Variants in DMD observed in about 807,000 individuals in gnomAD.
The protein encoded by DMD is dystrophin, also known as mutant dystrophin.
A neutral mutation model predicts 330.1 loss-of-function variants in DMD; 63 were observed. The ratio of observed to expected loss-of-function variants is 0.19; its 90% CI spans 0.16 to 0.24. The LOEUF (loss-of-function observed/expected upper bound fraction) is 0.24, where lower values mean the gene tolerates loss of function less well. Among genes scored for constraint, DMD ranks in the 10% least tolerant of loss-of-function variants. DMD has a pLI of 1.00. For synonymous variants in DMD, 1,223 were observed against 959.8 expected, an observed-to-expected ratio of 1.27 and a Z score of -5.07; for missense variants, 3,344 against 2,684.1, an observed-to-expected ratio of 1.25 and a Z score of -5.43.
chrX:31,774,053 G>A lies in DMD; in HGVS notation c.7449C>T (p.Thr2483=), dbSNP rs766075840. ...ADFNRAWTEL[T]DWLSLLDQVI... ...CTTGATCAAGCAGAGAAAGCCAGTC[G>A]GTAAGTTCTGTCCAAGCCCGGTTGA... is the stretch of plus-strand genomic sequence containing the variant. The change falls in exon 51 of 79, where the codon ACC becomes ACT. Residue 2483 remains threonine (T), a synonymous_variant. Coordinates refer to ENST00000357033, the MANE Select transcript of DMD (RefSeq NM_004006.3). 3.1e-5 allele frequency: 38 copies of A among 1,207,881 alleles called. No individual in the cohort carries two copies. The East Asian group carries it at 6.2e-4, about 20-fold the overall frequency.
At chrX:32,867,958 A>G (rs2082644579) in intron 2 of DMD, among the ~76,000 whole-genome samples, 1 of 111,373 alleles carries the variant, frequency 9.0e-6, no homozygotes, top group East Asian at 2.8e-4. Flanking sequence ...CCAACTAGGA[A>G]CAGCTGCAGT....
chrX:32,158,406 A>G (rs940708702), intron 44 of DMD, among the ~76,000 whole-genome samples: 1 of 111,019 alleles, frequency 9.0e-6, no homozygotes, highest in African/African-American at 3.3e-5. Context: ...GTAAAGAAAA[A>G]AGAAAAAAAT....
intron 11 of DMD, among the ~76,000 whole-genome samples, chrX:32,618,708 A>G (rs2057771150): frequency 2.7e-5 from 3 of 111,790 alleles, no homozygotes; most frequent in South Asian, 3.7e-4. Context: ...AAGAAAAAAG[A>G]AGAGATTATC....
At chrX:31,727,842 A>G (rs921811697) in intron 52 of DMD, among the ~76,000 whole-genome samples, 1 of 112,576 alleles carries the variant, frequency 8.9e-6, no homozygotes, top group Non-Finnish European at 1.9e-5. Flanking sequence ...AACTGAAAGA[A>G]GACATGTCTT....
At chrX:32,702,849 T>C (rs2064258839) in intron 7 of DMD, among the ~76,000 whole-genome samples, 1 of 111,331 alleles carries the variant, frequency 9.0e-6, no homozygotes, top group South Asian at 3.7e-4. Flanking sequence ...ATATACAAAG[T>C]TATGTGCTAC....
intron 43 of DMD, among the ~76,000 whole-genome samples, chrX:32,240,607 A>G (rs758879953): frequency 4.5e-5 from 5 of 112,083 alleles, no homozygotes; most frequent in Non-Finnish European, 9.4e-5. Context: ...GGCTCTCAGG[A>G]GAATAAATTT....
chrX:32,786,123 A>G (rs1255590639), intron 7 of DMD, among the ~76,000 whole-genome samples: 7 of 85,378 alleles, frequency 8.2e-5, no homozygotes, highest in African/African-American at 3.6e-4. Context: ...GTGTGTGTGT[A>G]TTCCAATTAT....
intron 1 of DMD, among the ~76,000 whole-genome samples, chrX:33,055,667 G>A (rs2094508505): frequency 9.0e-6 from 1 of 111,231 alleles, no homozygotes; most frequent in Admixed American, 9.6e-5. Flanking sequence ...CAGGACTTGC[G>A]GGCTACTATT....
intron 60 of DMD, among the ~76,000 whole-genome samples, chrX:31,440,292 G>A (rs55821682): frequency 0.072 from 7,879 of 109,251 alleles, 240 homozygotes; most frequent in East Asian, 0.19. Flanking sequence ...ATCTACAAGC[G>A]TGCGCCACCA....
chrX:32,624,146 TA>T (rs1333942160), intron 11 of DMD, among the ~76,000 whole-genome samples: 2 of 112,121 alleles, frequency 1.8e-5, no homozygotes, highest in Non-Finnish European at 3.8e-5. Flanking sequence ...CATGCACAGA[TA>T]GGAAAAAATG....
At chrX:31,295,578 C>T (rs1429531556) in intron 62 of DMD, among the ~76,000 whole-genome samples, 1 of 111,153 alleles carries the variant, frequency 9.0e-6, no homozygotes. Context: ...GAACGCCTGG[C>T]TAATGTTTGT....
At chrX:33,121,679 GTTGTT>G (rs1297209836) in intron 1 of DMD, among the ~76,000 whole-genome samples, 1 of 111,670 alleles carries the variant, frequency 9.0e-6, no homozygotes, top group Non-Finnish European at 1.9e-5. Context: ...ATTTTTTGTA[GTTGTT>G]TTGTGGTTTT....
chrX:32,418,844 G>T (rs2098176755), intron 29 of DMD, among the ~76,000 whole-genome samples: 1 of 107,677 alleles, frequency 9.3e-6, no homozygotes, highest in African/African-American at 3.4e-5. Context: ...ATGGTGGCAG[G>T]CGCCTGTAGT....
At chrX:32,335,529 TAA>T (rs1569558406) in intron 41 of DMD, among the ~76,000 whole-genome samples, 1 of 102,725 alleles carries the variant, frequency 9.7e-6, no homozygotes, top group Non-Finnish European at 2.0e-5. Flanking sequence ...ATGTTATATA[TAA>T]AACATGTTAT....
intron 30 of DMD, among the ~76,000 whole-genome samples, chrX:32,392,052 G>A (rs190331364): frequency 1.9e-4 from 21 of 111,584 alleles, no homozygotes; most frequent in Admixed American, 9.6e-4. Context: ...AGAATTGACA[G>A]AAGAGTCTGG....
intron 50 of DMD, among the ~76,000 whole-genome samples, chrX:31,805,821 G>A (rs765588888): frequency 2.7e-5 from 3 of 112,295 alleles, no homozygotes; most frequent in Non-Finnish European, 5.6e-5. Flanking sequence ...GAAGCCTTAA[G>A]AAGATTAGGG....
chrX:31,960,428 C>A (rs1446214104), intron 45 of DMD, among the ~76,000 whole-genome samples: 5 of 111,470 alleles, frequency 4.5e-5, no homozygotes, highest in Non-Finnish European at 7.5e-5. Flanking sequence ...CTTAACAGAG[C>A]CTTTTTATAC....
intron 2 of DMD, among the ~76,000 whole-genome samples, chrX:32,923,053 A>C (rs922940759): frequency 4.5e-5 from 5 of 111,934 alleles, no homozygotes; most frequent in African/African-American, 1.6e-4. Context: ...AGAGAAACAT[A>C]GAATTCTATG....
At chrX:31,325,169 C>T (rs958435783) in intron 61 of DMD, among the ~76,000 whole-genome samples, 25 of 111,344 alleles carry the variant, frequency 2.2e-4, no homozygotes, top group Middle Eastern at 4.6e-3. Context: ...TTTTCCCTTC[C>T]TCCTGCCTTC....
Sources: allele counts gnomAD v4.1 joint callset (sites outside exome capture counted in the v4.1 genomes callset), GRCh38; gene constraint gnomAD v4.1.1; transcripts MANE v1.5; gene names NCBI Gene and HGNC (gene_info 2026-07-23, HGNC 2026-07-21).